Variants in PNKD observed in about 807,000 individuals in gnomAD.
PNKD encodes PNKD metallo-beta-lactamase domain containing.
Under a neutral mutation model 45.3 loss-of-function variants are expected in PNKD, and 36 were observed. The observed-to-expected ratio is 0.80, with a 90% CI of 0.61 to 1.05. PNKD has a LOEUF of 1.05. Ranked by LOEUF, PNKD falls within the 50% of genes least tolerant of loss-of-function variation. PNKD has a pLI of 0.00. For missense variants in PNKD, 511 were observed against 506.6 expected (o/e 1.01, Z -0.08); for synonymous variants, 197 against 210.1 (o/e 0.94, Z 0.54).
chr2:218,272,571 G>C (rs773991347), intron 2 of PNKD: 1 of 1,613,760 alleles, frequency 6.2e-7, no homozygotes, highest in South Asian at 1.1e-5. Flanking sequence ...CACCCGTAGG[G>C]CCATCGGCTT....
At chr2:218,296,734 A>G (rs1020547448) in intron 2 of PNKD, among the ~76,000 whole-genome samples, 1 of 151,870 alleles carries the variant, frequency 6.6e-6, no homozygotes, top group Admixed American at 6.6e-5. Flanking sequence ...GCTGGGGTGC[A>G]GTAGCATGAT....
intron 2 of PNKD, among the ~76,000 whole-genome samples, chr2:218,290,484 C>G (rs2106240675): frequency 6.6e-6 from 1 of 152,296 alleles, no homozygotes; most frequent in Admixed American, 6.5e-5. Flanking sequence ...TAGACATGCC[C>G]TCTCACTCTC....
chr2:218,338,460 C>CAAA (rs200743728), intron 2 of PNKD, among the ~76,000 whole-genome samples: 10 of 100,772 alleles, frequency 9.9e-5, no homozygotes, highest in African/African-American at 2.8e-4. Flanking sequence ...GACTCTGTCT[C>CAAA]AAAAAAAAAA....
intron 2 of PNKD, chr2:218,278,439 T>C (rs1465027745): frequency 7.0e-7 from 1 of 1,438,206 alleles, no homozygotes; most frequent in Non-Finnish European, 9.8e-7. Context: ...TATAAAGGAA[T>C]CCTTCTTTCC....
At chr2:218,292,287 A>T (rs542338369) in intron 2 of PNKD, among the ~76,000 whole-genome samples, 2 of 152,198 alleles carry the variant, frequency 1.3e-5, no homozygotes, top group East Asian at 3.9e-4. Flanking sequence ...GGGAGAGCGA[A>T]ACGCCAAGGG....
chr2:218,309,115 A>G (rs1234487544), intron 2 of PNKD, among the ~76,000 whole-genome samples: 1 of 151,652 alleles, frequency 6.6e-6, no homozygotes, highest in Non-Finnish European at 1.5e-5. Context: ...TCCTCCCACC[A>G]CGGCCTCCCA....
At chr2:218,297,370 G>A (rs910306507) in intron 2 of PNKD, among the ~76,000 whole-genome samples, 3 of 152,154 alleles carry the variant, frequency 2.0e-5, no homozygotes, top group African/African-American at 7.2e-5. Context: ...GTGAGGCCGG[G>A]GGCCCATCTC....
Position 218,283,058 on chromosome 2 carries a change from C to A in PNKD, c.236+11509C>A, listed in dbSNP as rs146316961. ...AATCCCAGGCTCTCTGTGAGTTCTA[C>A]CTGTCTTCCAGGTGCAGTGCTAGCA... On this transcript the variant is annotated intron_variant, in intron 2 of 9. Coordinates refer to ENST00000273077, the MANE Select transcript of PNKD (RefSeq NM_015488.5). Among the ~76,000 whole-genome samples the A allele has an allele frequency of 8.9e-4, 135 of 152,266 alleles. No individual in the cohort carries two copies. The Middle Eastern group carries it at 0.01, about 12-fold the overall frequency.
intron 2 of PNKD, chr2:218,277,453 A>G (rs961378080): frequency 2.3e-5 from 37 of 1,613,982 alleles, no homozygotes; most frequent in Non-Finnish European, 3.1e-5. Context: ...TTTGGTACAT[A>G]CTGGGGAGAA....
In PNKD at chr2:218,278,782, G is replaced by A. The variant is rs372150078; in HGVS notation, c.236+7233G>A. Among the ~76,000 whole-genome samples the A allele has an allele frequency of 9.8e-5, 15 of 152,348 alleles. No homozygotes were observed. The East Asian group carries it at 1.3e-3, about 14-fold the overall frequency. ...AAGGAGGTCTGGGGAGGCTGCAGCT[G>A]ACGGGCTGAGAGGACATGGGGGCTG... On this transcript the variant is annotated intron_variant, in intron 2 of 9. Coordinates refer to ENST00000273077, the MANE Select transcript of PNKD (RefSeq NM_015488.5).
chr2:218,281,863 G>T, intron 2 of PNKD: 1 of 1,110,446 alleles, frequency 9.0e-7, no homozygotes, highest in South Asian at 1.4e-5. Flanking sequence ...AAGAGAAAAG[G>T]GGCAGGAGGC....
Position 218,341,530 on chromosome 2 carries a change from G to T in PNKD, c.525-4G>T, listed in dbSNP as rs1161365237. ...GCCCCCTGCCTGTCTCTGCTGTCCT[G>T]CAGGGACCACAGTGGAGGGAACCGT... is the stretch of plus-strand genomic sequence containing the variant. On this transcript the variant is annotated splice_region_variant and splice_polypyrimidine_tract_variant and intron_variant, in intron 5 of 9. Coordinates refer to ENST00000273077, the MANE Select transcript of PNKD (RefSeq NM_015488.5). 6.3e-7 allele frequency: 1 copy of T among 1,588,700 alleles called. No individual in the cohort carries two copies. Among genetic ancestry groups the T allele is most frequent in the Non-Finnish European group, 8.6e-7 (1 of 1,166,270 alleles).
intron 2 of PNKD, among the ~76,000 whole-genome samples, chr2:218,288,655 C>T (rs116499671): frequency 0.014 from 2,155 of 152,220 alleles, 37 homozygotes; most frequent in African/African-American, 0.045. Context: ...GACGCTCAAC[C>T]AGTAAGTATA....
At chr2:218,272,556 C>G (rs563363832) in intron 2 of PNKD, 7 of 1,613,186 alleles carry the variant, frequency 4.3e-6, no homozygotes, top group Non-Finnish European at 5.9e-6. Context: ...CCGTGCACAT[C>G]TCCCCACCCG....
intron 2 of PNKD, among the ~76,000 whole-genome samples, chr2:218,315,077 T>C (rs2382823): frequency 0.4 from 28,658 of 71,638 alleles, 7,375 homozygotes; most frequent in South Asian, 0.64. Flanking sequence ...TTCCTTCCTT[T>C]CTTTCTCTCT....
In PNKD at chr2:218,343,491, C is replaced by T. The variant is rs747707258; in HGVS notation, c.782-9C>T. 6.2e-7 allele frequency: 1 copy of T among 1,610,500 alleles called. No individual in the cohort carries two copies. Among genetic ancestry groups the T allele is most frequent in the South Asian group, 1.1e-5 (1 of 90,614 alleles). ...GCACCTTGTGACATACCCTCCAACC[C>T]CCACCCAGGGCGGACCTTTGAGGGC... is the stretch of plus-strand genomic sequence containing the variant. On this transcript the variant is annotated splice_polypyrimidine_tract_variant and intron_variant, in intron 7 of 9. Coordinates refer to ENST00000273077, the MANE Select transcript of PNKD (RefSeq NM_015488.5).
At position 218,344,846 on chromosome 2, in the gene PNKD, G is replaced by T. The variant is rs368559097; in HGVS notation, c.1023G>T (p.Pro341=). 14 of 1,613,846 alleles carry T rather than the reference G, an allele frequency of 8.7e-6. No homozygotes were observed. The highest frequency in any genetic ancestry group is 1.7e-5 in the Admixed American group (1 of 59,994). Reference sequence around the variant, plus strand: ...TGGGAGAGGAGCGCTCCTACAACCCGTTCCTGAGAACCCACTGCCTGGCGC... The same window carrying T: ...TGGGAGAGGAGCGCTCCTACAACCCTTTCCTGAGAACCCACTGCCTGGCGC... ...STLGEERSYN[P]FLRTHCLALQ... is the part of the protein sequence containing the mutation. Residue 341 remains proline, a synonymous_variant, in exon 10 of 10, where the codon CCG becomes CCT. Transcript: ENST00000273077.
chr2:218,282,041 C>T (rs1216072868), intron 2 of PNKD: 1 of 1,605,506 alleles, frequency 6.2e-7, no homozygotes, highest in Non-Finnish European at 8.5e-7. Context: ...AGGATACCCT[C>T]CTGGCAGGAC....
chr2:218,289,735 A>G (rs1436212168), intron 2 of PNKD, among the ~76,000 whole-genome samples: 1 of 151,372 alleles, frequency 6.6e-6, no homozygotes, highest in Non-Finnish European at 1.5e-5. Flanking sequence ...TGGCTCCCCA[A>G]GAACCTACAC....
Sources: gnomAD v4.1 joint callset for allele counts (sites outside exome capture counted in the v4.1 genomes callset) on GRCh38, gnomAD v4.1.1 for gene constraint, MANE v1.5 for transcripts, NCBI Gene and HGNC (gene_info 2026-07-23, HGNC 2026-07-21) for gene names.